NOC2L: variants seen among roughly 807,000 people sequenced by gnomAD.
The protein encoded by NOC2L is nucleolar complex protein 2 homolog.
NOC2L carries 101 observed loss-of-function variants against 94.2 expected under a neutral mutation model. The ratio of observed to expected loss-of-function variants is 1.07; its 90% confidence interval spans 0.91 to 1.26. NOC2L has a LOEUF of 1.26. Ranked by LOEUF, NOC2L falls within the 50% of genes most tolerant of loss-of-function variation. NOC2L has a pLI of 0.00. For missense variants in NOC2L, 1,076 were observed against 980.1 expected (o/e 1.10, Z -1.31); for synonymous variants, 531 against 413.4 (o/e 1.28, Z -3.45).
rs546271713 is a variant in NOC2L, at chr1:949,979, T to G, written c.1443+1148A>C. Among the ~76,000 whole-genome samples, 222 of 152,212 alleles carry G rather than the reference T, an allele frequency of 1.5e-3. 2 individuals carry two copies. The highest frequency in any genetic ancestry group is 5.2e-3 in the African/African-American group (214 of 41,514). On this transcript the variant is annotated intron_variant, in intron 12 of 18. Transcript: ENST00000327044. Reference sequence around the variant, plus strand: ...GGGTGGAGATCGTGAATTCCTAAATTTACAGCGGGGTGGGGCCTAACCCAC... The same window carrying G: ...GGGTGGAGATCGTGAATTCCTAAATGTACAGCGGGGTGGGGCCTAACCCAC...
Position 956,031 on chromosome 1 carries a change from G to C in NOC2L, c.608-18C>G, listed in dbSNP as rs752627760. 4 of 1,613,960 alleles carry C rather than the reference G, an allele frequency of 2.5e-6. No individual in the cohort carries two copies. The highest frequency in any genetic ancestry group is 1.3e-5 in the African/African-American group (1 of 74,914). On this transcript the variant is annotated intron_variant, in intron 5 of 18. Coordinates refer to ENST00000327044, the MANE Select transcript of NOC2L (RefSeq NM_015658.4). ...ATTGAATGCTGCAACGAAAAGGCCT[G>C]GATGTACTCACGGGACAGAGAACGC...
intron 12 of NOC2L, among the ~76,000 whole-genome samples, chr1:950,694 G>C (rs553390934): frequency 6.6e-6 from 1 of 152,030 alleles, no homozygotes; most frequent in African/African-American, 2.4e-5. Flanking sequence ...CATGCACCCA[G>C]ATGGTGCACA....
In NOC2L at chr1:950,536, C is replaced by T. The variant is rs368469963; in HGVS notation, c.1443+591G>A. ...ACAGGTGCACACACGCAAAGGTACACGCAAAGGTACACACATGCATACACA... is the reference window on the plus strand; with the variant it reads ...ACAGGTGCACACACGCAAAGGTACATGCAAAGGTACACACATGCATACACA... On this transcript the variant is annotated intron_variant, in intron 12 of 18. Coordinates refer to ENST00000327044, the MANE Select transcript of NOC2L (RefSeq NM_015658.4). 5.8e-4 allele frequency among the ~76,000 whole-genome samples: 89 copies of T among 152,264 alleles called. 1 individual carries two copies. The highest frequency in any genetic ancestry group is 3.4e-3 in the Middle Eastern group (1 of 292).
chr1:951,501 C>T (rs901821682), intron 11 of NOC2L, among the ~76,000 whole-genome samples: 2 of 152,216 alleles, frequency 1.3e-5, no homozygotes, highest in Admixed American at 1.3e-4. Flanking sequence ...TTTCCTACTT[C>T]TTCCCTTGGA....
rs747037050 is a variant in NOC2L at position 956,982 on chromosome 1, C to T, written c.398G>A (p.Gly133Glu). 15 of 1,613,978 alleles carry T rather than the reference C, an allele frequency of 9.3e-6. No homozygotes were observed. Among genetic ancestry groups the T allele is most frequent in the Non-Finnish European group, 1.2e-5 (14 of 1,180,030 alleles). The change falls in exon 4 of 19, where the codon GGG becomes GAG. Residue 133 changes from glycine to glutamate, a missense_variant. By Grantham distance (98) the Gly-to-Glu change is moderately conservative (BLOSUM62 -2). Coordinates refer to ENST00000327044, the MANE Select transcript of NOC2L (RefSeq NM_015658.4). The stretch of plus-strand genomic sequence containing the variant: ...CTTCAGCCCTCTGGGGACTCTGTCC[C>T]CATCTTCTCCTTCCTCCGCTCCATC... The part of the protein sequence containing the change: ...EEDGAEEGED[G>E]DRVPRGLKGK...
rs750183271 is a variant in NOC2L at position 957,305 on chromosome 1, G to C, written c.180-32C>G. ...AGGCAGAAGTCAGCGACCCCAGTGG[G>C]AAGTGGAAGTAGAGGGGGCGGGGAG... On this transcript the variant is annotated intron_variant, in intron 2 of 18. Transcript: ENST00000327044. 5 of 1,608,568 alleles carry C rather than the reference G, an allele frequency of 3.1e-6. No homozygotes were observed. The South Asian group carries it at 5.5e-5, about 18-fold the overall frequency.
chr1:946,776 T>C (rs947210260), intron 14 of NOC2L: 10 of 499,572 alleles, frequency 2.0e-5, no homozygotes, highest in Non-Finnish European at 3.6e-5. Flanking sequence ...TAAAGTTTTA[T>C]GCCAGGCGTG....
intron 9 of NOC2L, 108 bp from the exon 10 acceptor site, chr1:952,708 C>G (rs1642293596): frequency 9.0e-7 from 1 of 1,109,360 alleles, no homozygotes; most frequent in Non-Finnish European, 1.3e-6. Context: ...AGCTGGGCCT[C>G]GAGGAAGAGC....
intron 17 of NOC2L, 139 bp downstream of exon 17, chr1:945,379 A>G (rs1642075775): frequency 8.1e-6 from 9 of 1,115,164 alleles, no homozygotes; most frequent in Non-Finnish European, 1.1e-5. Context: ...GAAGCCTGGC[A>G]ACACTGAGGT....
chr1:952,080 C>T lies in NOC2L; in HGVS notation c.1251G>A (p.Arg417=). 1.9e-6 allele frequency: 3 copies of T among 1,613,734 alleles called. No individual in the cohort carries two copies. The highest frequency in any genetic ancestry group is 4.5e-5 in the East Asian group (2 of 44,882). ...CGCTGGGGCCCGCAGTGCTCAGGAC[C>T]CGGCACCACAGGAAGAGGCAGTGCA... ...QYVHCLFLWC[R]VLSTAGPSEA... is the part of the protein sequence containing the mutation. Residue 417 remains arginine (R), a synonymous_variant, in exon 11 of 19, where the codon CGG becomes CGA. Coordinates refer to ENST00000327044, the MANE Select transcript of NOC2L (RefSeq NM_015658.4).
At position 947,832 on chromosome 1, in the gene NOC2L, G is replaced by A. The variant is rs1019203270; in HGVS notation, c.1659+299C>T. On this transcript the variant is annotated intron_variant, in intron 14 of 18. Transcript: ENST00000327044. ...CAGCGTACCAGCCTGAGCCAGGGTCGGCATGCTCAGTCCCAACCCCGAAGC... is the reference window on the plus strand; with the variant it reads ...CAGCGTACCAGCCTGAGCCAGGGTCAGCATGCTCAGTCCCAACCCCGAAGC... Among the ~76,000 whole-genome samples, 7 of 152,338 alleles carry A rather than the reference G, an allele frequency of 4.6e-5. No homozygotes were observed. In the South Asian group the frequency reaches 6.2e-4, roughly 14 times the overall value.
chr1:945,159 A>G lies in NOC2L; in HGVS notation c.2054-13T>C, dbSNP rs752493901. On this transcript the variant is annotated splice_polypyrimidine_tract_variant and intron_variant, in intron 17 of 18. Transcript: ENST00000327044. ...GGCCTCAGTATCCCTGAGGAACAAG[A>G]AGCAGAGTCCATATGACTCCCACCC... is the stretch of plus-strand genomic sequence containing the variant. The G allele has an allele frequency of 6.3e-7, 1 of 1,588,892 alleles. No individual in the cohort carries two copies. The highest frequency in any genetic ancestry group is 1.1e-5 in the South Asian group (1 of 88,128).
intron 2 of NOC2L, chr1:957,836 C>T (rs1276614232): frequency 6.3e-5 from 10 of 158,606 alleles, no homozygotes; most frequent in Admixed American, 1.2e-4. Flanking sequence ...TGACGGTCTA[C>T]GGCACCTGGC....
intron 12 of NOC2L, 75 bp downstream of exon 12, chr1:951,050 GCA>G (rs1642248111): frequency 5.9e-6 from 7 of 1,177,832 alleles, no homozygotes; most frequent in Non-Finnish European, 8.7e-6. Context: ...GGACAACTCA[GCA>G]CAGACGCCCG....
chr1:946,063 G>GGCC, intron 16 of NOC2L, 110 bp downstream of exon 16: 4 of 823,772 alleles, frequency 4.9e-6, no homozygotes, highest in Non-Finnish European at 7.8e-6. Context: ...GCACGGCCCT[G>GGCC]GCCGCCTGGC....
chr1:958,813 G>C (rs749406383), intron 2 of NOC2L, 116 bp downstream of exon 2: 5 of 1,014,552 alleles, frequency 4.9e-6, no homozygotes, highest in Non-Finnish European at 6.2e-6. Context: ...AAAGGACTGG[G>C]GGGCAGAGGT....
intron 10 of NOC2L, 92 bp from the exon 11 acceptor site, chr1:952,231 A>T (rs1642279379): frequency 1.3e-6 from 2 of 1,492,462 alleles, no homozygotes; most frequent in Non-Finnish European, 1.8e-6. Flanking sequence ...TCATTTCCTC[A>T]TCTTGCACAC....
Position 959,029 on chromosome 1 carries a change from C to G in NOC2L, c.79G>C (p.Glu27Gln). The G allele has an allele frequency of 6.2e-7, 1 of 1,612,294 alleles. No individual in the cohort carries two copies. The highest frequency in any genetic ancestry group is 8.5e-7 in the Non-Finnish European group (1 of 1,179,648). The change falls in exon 2 of 19, where the codon GAG becomes CAG. Residue 27 changes from glutamate (E) to glutamine (Q), a missense_variant. Physicochemically the swap from Glu to Gln is conservative, Grantham distance 29. Transcript: ENST00000327044. ...GAATTTTCGGACTCGGATTCGGACTCGGAGTCAAAGCCCGAAGCTAGGAAC... is the reference window on the plus strand; with the variant it reads ...GAATTTTCGGACTCGGATTCGGACTGGGAGTCAAAGCCCGAAGCTAGGAAC... ...DEFLASGFDS[E>Q]SESESENSPQ...
intron 14 of NOC2L, among the ~76,000 whole-genome samples, chr1:947,220 C>T (rs1569936368): frequency 1.3e-5 from 2 of 152,314 alleles, no homozygotes; most frequent in African/African-American, 2.4e-5. Flanking sequence ...CCCCAGACCC[C>T]GACCCTGGGC....
Sources: allele counts gnomAD v4.1 joint callset (sites outside exome capture counted in the v4.1 genomes callset), GRCh38; gene constraint gnomAD v4.1.1; transcripts MANE v1.5; gene names NCBI Gene and HGNC (gene_info 2026-07-23, HGNC 2026-07-21).